PCBD2: variants seen among roughly 807,000 people sequenced by gnomAD.
PCBD2 encodes pterin-4 alpha-carbinolamine dehydratase 2, also known as pterin-4-alpha-carbinolamine dehydratase 2.
In PCBD2, 12 loss-of-function variants were observed where a neutral mutation model predicts 16.4. That is an observed-to-expected ratio of 0.73 (90% confidence interval 0.47 to 1.19). The LOEUF is 1.19. PCBD2 is among the 50% of genes most tolerant of loss of function. The pLI is 0.00. For missense variants in PCBD2, 138 were observed against 156.8 expected (o/e 0.88, Z 0.64); for synonymous variants, 58 against 61.8 (o/e 0.94, Z 0.29).
intron 2 of PCBD2, among the ~76,000 whole-genome samples, chr5:134,951,793 A>G (rs985038337): frequency 6.6e-6 from 1 of 152,140 alleles, no homozygotes; most frequent in Non-Finnish European, 1.5e-5. Flanking sequence ...GTTATCTATT[A>G]TGTCCTTTGC....
At chr5:134,944,281 A>G (rs948192352) in intron 2 of PCBD2, among the ~76,000 whole-genome samples, 10 of 152,148 alleles carry the variant, frequency 6.6e-5, no homozygotes, top group Non-Finnish European at 8.8e-5. Flanking sequence ...AAACTTTGCA[A>G]TTTGAAATCT....
intron 2 of PCBD2, chr5:134,927,742 G>T: frequency 1.0e-5 from 4 of 398,126 alleles, no homozygotes; most frequent in Non-Finnish European, 1.8e-5. Context: ...AGGGAGATTA[G>T]TATAGAGAGG....
At chr5:134,949,458 G>A (rs766588367) in intron 2 of PCBD2, among the ~76,000 whole-genome samples, 1 of 152,120 alleles carries the variant, frequency 6.6e-6, no homozygotes, top group Non-Finnish European at 1.5e-5. Context: ...TACGTATGGG[G>A]AAACTGAAAC....
At chr5:134,941,732 TG>T (rs1751230483) in intron 2 of PCBD2, among the ~76,000 whole-genome samples, 1 of 152,156 alleles carries the variant, frequency 6.6e-6, no homozygotes, top group African/African-American at 2.4e-5. Context: ...ATAACAGTTT[TG>T]GAAAAAAGGG....
chr5:134,931,955 A>G (rs146310178), intron 2 of PCBD2, among the ~76,000 whole-genome samples: 48 of 152,330 alleles, frequency 3.2e-4, no homozygotes, highest in African/African-American at 1.1e-3. Context: ...GGATTGATCA[A>G]TGATCAGTTC....
At chr5:134,916,660 G>A (rs926637927) in intron 2 of PCBD2, among the ~76,000 whole-genome samples, 1 of 152,216 alleles carries the variant, frequency 6.6e-6, no homozygotes, top group African/African-American at 2.4e-5. Context: ...TCTAAGGTAT[G>A]GTTAGTTCCA....
chr5:134,927,762 T>C (rs1751032409), intron 2 of PCBD2: 1 of 397,678 alleles, frequency 2.5e-6, no homozygotes, highest in Non-Finnish European at 4.4e-6. Flanking sequence ...GTAGAGTTTT[T>C]TTCGTGATAG....
At chr5:134,950,015 TG>T (rs772120222) in intron 2 of PCBD2, among the ~76,000 whole-genome samples, 3 of 152,274 alleles carry the variant, frequency 2.0e-5, no homozygotes, top group African/African-American at 4.8e-5. Context: ...AGTAAATTGC[TG>T]ATCATGTTTC....
At chr5:134,947,086 A>AG (rs1283494167) in intron 2 of PCBD2, among the ~76,000 whole-genome samples, 23 of 150,716 alleles carry the variant, frequency 1.5e-4, no homozygotes, top group Non-Finnish European at 2.2e-4. Context: ...CATGCTATTA[A>AG]AAAAAAAAAT....
chr5:134,951,184 A>G (rs1327264791), intron 2 of PCBD2, among the ~76,000 whole-genome samples: 1 of 152,096 alleles, frequency 6.6e-6, no homozygotes, highest in African/African-American at 2.4e-5. Context: ...ATCTTTCACC[A>G]TTGCTCCCAT....
chr5:134,914,540 A>G (rs1290929362), intron 2 of PCBD2, among the ~76,000 whole-genome samples: 3 of 152,120 alleles, frequency 2.0e-5, no homozygotes, highest in African/African-American at 7.2e-5. Context: ...AAATGAATGC[A>G]ATGGAGGAAC....
intron 2 of PCBD2, among the ~76,000 whole-genome samples, chr5:134,942,130 C>CAAAAA (rs397882223): frequency 4.9e-5 from 4 of 82,292 alleles, no homozygotes; most frequent in African/African-American, 2.1e-4. Flanking sequence ...GGCTCTGTCT[C>CAAAAA]AAAAAAAAAA....
At chr5:134,911,951 A>T (rs1160376252) in intron 2 of PCBD2, among the ~76,000 whole-genome samples, 1 of 152,216 alleles carries the variant, frequency 6.6e-6, no homozygotes, top group East Asian at 1.9e-4. Context: ...TTACATATGT[A>T]CAGCTTGACT....
intron 2 of PCBD2, among the ~76,000 whole-genome samples, chr5:134,940,559 T>A (rs1011054688): frequency 2.9e-4 from 44 of 152,282 alleles, no homozygotes; most frequent in African/African-American, 1.0e-3. Flanking sequence ...GAGGTAAGAT[T>A]AGGCAGACCC....
At chr5:134,924,317 T>C (rs765973430) in intron 2 of PCBD2, 4 of 395,530 alleles carry the variant, frequency 1.0e-5, no homozygotes, top group Middle Eastern at 6.3e-4. Context: ...GAATGATGGT[T>C]GTTTTTGGAT....
In PCBD2 at chr5:134,960,951, T is replaced by A; in HGVS notation, c.*270T>A. On this transcript the variant is annotated 3_prime_UTR_variant, in exon 4 of 4. Transcript: ENST00000254908. ...CTGGCTAATTTTTGTATTTTTAGTA[T>A]AGACAGGGTTTTACCACGTTGGTCA... is the stretch of plus-strand genomic sequence containing the variant. The A allele has an allele frequency of 3.6e-6, 1 of 278,128 alleles. No individual in the cohort carries two copies. The highest frequency in any genetic ancestry group is 9.6e-5 in the East Asian group (1 of 10,368). 17.2% of individuals were successfully genotyped at this position (278,128 alleles called of 1,614,324 possible).
At chr5:134,944,682 A>G (rs1054165717) in intron 2 of PCBD2, among the ~76,000 whole-genome samples, 2 of 152,160 alleles carry the variant, frequency 1.3e-5, no homozygotes, top group Non-Finnish European at 2.9e-5. Context: ...TCTATCTTAT[A>G]AACCCTTGAC....
At chr5:134,912,621 A>G (rs1750782589) in intron 2 of PCBD2, among the ~76,000 whole-genome samples, 1 of 152,230 alleles carries the variant, frequency 6.6e-6, no homozygotes, top group South Asian at 2.1e-4. Context: ...ATAGTCACTC[A>G]TTAGCTGGGA....
rs1005507983 is a variant in PCBD2 at position 134,922,049 on chromosome 5, A to G, written c.216+11583A>G. On this transcript the variant is annotated intron_variant, in intron 2 of 3. Transcript: ENST00000254908. The stretch of plus-strand genomic sequence containing the variant: ...TCTTTGCTCAGAGATTAGAACTGCA[A>G]TGTTCATGAGAGGTCACCTACTCAT... Among the ~76,000 whole-genome samples, 62 of 152,306 alleles carry G rather than the reference A, an allele frequency of 4.1e-4. 1 individual carries two copies. Among genetic ancestry groups the G allele is most frequent in the African/African-American group, 1.4e-3 (59 of 41,574 alleles).
Sources: gnomAD v4.1 joint callset for allele counts (sites outside exome capture counted in the v4.1 genomes callset) on GRCh38, gnomAD v4.1.1 for gene constraint, MANE v1.5 for transcripts, NCBI Gene and HGNC (gene_info 2026-07-23, HGNC 2026-07-21) for gene names.